Variants in KMT2A observed in about 807,000 individuals in gnomAD.
KMT2A encodes lysine methyltransferase 2A.
A neutral mutation model predicts 345.3 loss-of-function variants in KMT2A; 16 were observed. The observed-to-expected ratio is 0.05, with a 90% CI of 0.03 to 0.07. KMT2A has a LOEUF of 0.07. Ranked by LOEUF, KMT2A falls within the 10% of genes least tolerant of loss-of-function variation. The probability of loss-of-function intolerance (pLI) is 1.00; values close to 1 mark genes in which losing one functional copy is unlikely to be tolerated. For missense variants in KMT2A, 3,272 were observed against 4,841.6 expected, an observed-to-expected ratio of 0.68 and a Z score of 9.62; for synonymous variants, 1,599 against 1,778.6, an observed-to-expected ratio of 0.90 and a Z score of 2.54.
chr11:118,499,706 G>A (rs782118554), intron 23 of KMT2A, 129 bp from the exon 24 acceptor site: 7 of 713,988 alleles, frequency 9.8e-6, no homozygotes, highest in African/African-American at 1.8e-5. Flanking sequence ...CTTGAACCCC[G>A]GAGGCAGAGG....
intron 1 of KMT2A, among the ~76,000 whole-genome samples, chr11:118,445,018 T>C (rs1949389621): frequency 6.6e-6 from 1 of 152,240 alleles, no homozygotes; most frequent in South Asian, 2.1e-4. Flanking sequence ...GAAGCCCTAA[T>C]TGTTAGAACC....
chr11:118,477,918 G>A lies in KMT2A; in HGVS notation c.3335-49G>A, dbSNP rs781915476. 4 of 1,378,948 alleles carry A rather than the reference G, an allele frequency of 2.9e-6. No individual in the cohort carries two copies. In the African/African-American group the frequency reaches 4.3e-5, roughly 15 times the overall value. The allele number at this position is 1,378,948 out of a possible 1,614,324, so 85.4% of individuals were successfully genotyped here. ...ATTTTTGGAGTACCAATTAAAACCA[G>A]GTTTGAATTCAGTACTCCCTTGGAA... is the stretch of plus-strand genomic sequence containing the variant. On this transcript the variant is annotated intron_variant, in intron 4 of 35. Transcript: ENST00000534358.
Position 118,504,948 on chromosome 11 carries a change from A to C in KMT2A, c.9056A>C (p.His3019Pro). ...SPPCGSVEQGHGNNQDLTRNS... is the reference protein window; with the variant it reads ...SPPCGSVEQGPGNNQDLTRNS... ...CCTTGTGGTTCAGTAGAGCAAGGTC[A>C]TGGCAACAATCAGGATTTAACTAGG... Residue 3019 changes from histidine to proline, a missense_variant, in exon 27 of 36, where the codon CAT (histidine) becomes CCT (proline). His to Pro is a moderately conservative substitution (Grantham distance 77, BLOSUM62 -2). This residue lies in a region of KMT2A where 748 missense variants were observed against 922.2 expected (regional missense o/e 0.81). Coordinates refer to ENST00000534358, the MANE Select transcript of KMT2A (RefSeq NM_001197104.2). The surrounding 1 kb of genome is among the most constrained non-coding windows in gnomAD (Gnocchi z 6.4). 1 of 1,614,224 alleles carries C rather than the reference A, an allele frequency of 6.2e-7. No homozygotes were observed. The highest frequency in any genetic ancestry group is 1.3e-5 in the African/African-American group (1 of 75,052).
At chr11:118,463,332 C>T (rs538469129) in intron 1 of KMT2A, among the ~76,000 whole-genome samples, 1 of 152,262 alleles carries the variant, frequency 6.6e-6, no homozygotes, top group Admixed American at 6.5e-5. Flanking sequence ...TGTATAGTTG[C>T]TTGAGCTGTC....
In KMT2A at chr11:118,519,742, T is replaced by C. The variant is rs782024927; in HGVS notation, c.11271T>C (p.Asn3757=). The change falls in exon 32 of 36, where the codon AAT becomes AAC. Residue 3757 remains asparagine (N), a synonymous_variant. Transcript: ENST00000534358. ...KFRFHKPEEA[N]EPPLNPHGSA... ...GTTTCCACAAGCCAGAGGAGGCCAA[T>C]GAACCCCCCTTGAACCCTCACGGCT... The C allele has an allele frequency of 1.9e-6, 3 of 1,614,178 alleles. No individual in the cohort carries two copies. The highest frequency in any genetic ancestry group is 4.5e-5 in the East Asian group (2 of 44,874).
In KMT2A at chr11:118,495,915, C is replaced by G; in HGVS notation, c.5557+22C>G. ...TTGAGTAAGCCACCAAAAGGAGAGT[C>G]GTCACCCATTTCCCTCTAGATGCAG... On this transcript the variant is annotated intron_variant, in intron 19 of 35. Transcript: ENST00000534358. This position sits in a 1 kb window ranked among gnomAD's most constrained non-coding sequence, Gnocchi z 4.1. 1 of 1,570,622 alleles carries G rather than the reference C, an allele frequency of 6.4e-7. No homozygotes were observed. The highest frequency in any genetic ancestry group is 8.7e-7 in the Non-Finnish European group (1 of 1,151,192).
chr11:118,446,778 G>C (rs1470099664), intron 1 of KMT2A, among the ~76,000 whole-genome samples: 2 of 152,170 alleles, frequency 1.3e-5, no homozygotes, highest in East Asian at 3.9e-4. Flanking sequence ...CTTAAATACA[G>C]ATCAGAGTAT....
intron 27 of KMT2A, 80 bp downstream of exon 27, chr11:118,506,726 G>A: frequency 7.2e-7 from 1 of 1,386,436 alleles, no homozygotes; most frequent in South Asian, 1.4e-5. Context: ...TGGTAGTCCG[G>A]GAGAGACACT....
At chr11:118,513,698 T>A (rs1950738539) in intron 31 of KMT2A, among the ~76,000 whole-genome samples, 2 of 151,838 alleles carry the variant, frequency 1.3e-5, no homozygotes, top group Admixed American at 1.3e-4. Flanking sequence ...AATTCCAACA[T>A]CTTGGGAGGA....
At position 118,509,176 on chromosome 11, in the gene KMT2A, C is replaced by G; in HGVS notation, c.10876C>G (p.Pro3626Ala). The G allele has an allele frequency of 1.2e-6, 2 of 1,613,700 alleles. 1 individual carries two copies. The highest frequency in any genetic ancestry group is 2.2e-5 in the South Asian group (2 of 91,062). Residue 3626 changes from proline to alanine, a missense_variant, in exon 29 of 36, where the codon CCA becomes GCA. Physicochemically the swap from Pro to Ala is conservative, Grantham distance 27 (BLOSUM62 -1). This residue lies in a region of KMT2A where 748 missense variants were observed against 922.2 expected (regional missense o/e 0.81). Transcript: ENST00000534358. ...VLPEVQVTQN[P>A]ANEQESAEPK... ...TCCGGAAGTTCAGGTGACCCAAAAT[C>G]CAGCAAATGAACAAGAAAGTGCAGG... is the stretch of plus-strand genomic sequence containing the variant.
chr11:118,473,743 C>G lies in KMT2A; in HGVS notation c.2584C>G (p.Arg862Gly). 1 of 1,613,702 alleles carries G rather than the reference C, an allele frequency of 6.2e-7. No homozygotes were observed. Among genetic ancestry groups the G allele is most frequent in the Non-Finnish European group, 8.5e-7 (1 of 1,179,904 alleles). The change falls in exon 3 of 36, where the codon CGA (arginine) becomes GGA (glycine). Residue 862 changes from arginine to glycine, a missense_variant. Around this residue, in one of 27 missense-constraint regions of KMT2A, gnomAD observed 209 missense variants for 237.4 expected, o/e 0.88. Transcript: ENST00000534358. This position sits in a 1 kb window ranked among gnomAD's most constrained non-coding sequence, Gnocchi z 5.2. ...DKAPEELSKD[R>G]DADKSVEKDK... ...GGCCCCCGAGGAGCTGTCCAAAGAT[C>G]GAGATGCTGACAAGAGCGTGGAGAA...
rs1197339370 is a variant in KMT2A at position 118,458,723 on chromosome 11, C to T, written c.433-10052C>T. Reference sequence around the variant, plus strand: ...ACATTAAGACCTTGGTATTTTGAAGCTTGTAGCAGTAGCCACAAGGGGAAA... The same window carrying T: ...ACATTAAGACCTTGGTATTTTGAAGTTTGTAGCAGTAGCCACAAGGGGAAA... On this transcript the variant is annotated intron_variant, in intron 1 of 35. Transcript: ENST00000534358. Among the ~76,000 whole-genome samples, 11 of 152,310 alleles carry T rather than the reference C, an allele frequency of 7.2e-5. No individual in the cohort carries two copies. In the South Asian group the frequency reaches 2.3e-3, roughly 32 times the overall value.
intron 24 of KMT2A, among the ~76,000 whole-genome samples, chr11:118,500,471 C>T (rs1950482835): frequency 6.6e-6 from 1 of 152,202 alleles, no homozygotes; most frequent in African/African-American, 2.4e-5. Context: ...ATTCCTATTC[C>T]TATGACACAG....
rs1375084340 is a variant in KMT2A, at chr11:118,505,063, T to A, written c.9171T>A (p.Pro3057=). 3 of 1,614,050 alleles carry A rather than the reference T, an allele frequency of 1.9e-6. No homozygotes were observed. The highest frequency in any genetic ancestry group is 1.7e-5 in the Admixed American group (1 of 59,998). ...ATGTGCCCAATTCTACTGATAGTCC[T>A]GGCCCGTCTCAGATTTCCAATGCAG... The part of the protein sequence containing the change: ...QKYVPNSTDS[P]GPSQISNAAV... The change falls in exon 27 of 36, where the codon CCT becomes CCA. Residue 3057 remains proline, a synonymous_variant. Transcript: ENST00000534358. The surrounding 1 kb of genome is among the most constrained non-coding windows in gnomAD (Gnocchi z 4.6).
In KMT2A at chr11:118,494,868, A is replaced by G. The variant is rs934736528; in HGVS notation, c.5363+101A>G. 1 of 895,860 alleles carries G rather than the reference A, an allele frequency of 1.1e-6. No homozygotes were observed. Among genetic ancestry groups the G allele is most frequent in the Middle Eastern group, 3.0e-4 (1 of 3,342 alleles). 55.5% of individuals were successfully genotyped at this position (895,860 alleles called of 1,614,324 possible). ...GTTTTCCAAAAGGTTTTAATACTAG[A>G]AATGAATTGGTTGAAATGCCTTTTC... On this transcript the variant is annotated intron_variant, in intron 18 of 35. Coordinates refer to ENST00000534358, the MANE Select transcript of KMT2A (RefSeq NM_001197104.2). This position sits in a 1 kb window ranked among gnomAD's most constrained non-coding sequence, Gnocchi z 5.8.
At chr11:118,507,686 C>A in intron 28 of KMT2A, 77 bp downstream of exon 28, 1 of 1,218,046 alleles carries the variant, frequency 8.2e-7, no homozygotes, top group Non-Finnish European at 1.2e-6. Context: ...TCTTCCAGGC[C>A]GGGCGCAGTG....
At position 118,497,293 on chromosome 11, in the gene KMT2A, G is replaced by T. The variant is rs926473725; in HGVS notation, c.5665-643G>T. Among the ~76,000 whole-genome samples, 3 of 151,982 alleles carry T rather than the reference G, an allele frequency of 2.0e-5. No individual in the cohort carries two copies. The East Asian group carries it at 5.8e-4, about 29-fold the overall frequency. ...GGTGGGATTACAGGCGTGAGCCACC[G>T]TGCCCGGCCAAAAGCTTTTAAATAC... is the stretch of plus-strand genomic sequence containing the variant. On this transcript the variant is annotated intron_variant, in intron 20 of 35. Coordinates refer to ENST00000534358, the MANE Select transcript of KMT2A (RefSeq NM_001197104.2). The surrounding 1 kb of genome is among the most constrained non-coding windows in gnomAD (Gnocchi z 4.8).
rs1591266438 is a variant in KMT2A, at chr11:118,491,935, C to T, written c.5004+7C>T. On this transcript the variant is annotated splice_region_variant and intron_variant, in intron 15 of 35. Transcript: ENST00000534358. This position sits in a 1 kb window ranked among gnomAD's most constrained non-coding sequence, Gnocchi z 4.2. ...TTTGCTACGCTACCGGCAGGTAGGC[C>T]AAGTCTCATTTTTTTCTGAGAGCTT... 3 of 1,605,610 alleles carry T rather than the reference C, an allele frequency of 1.9e-6. No homozygotes were observed. Among genetic ancestry groups the T allele is most frequent in the Admixed American group, 1.7e-5 (1 of 59,334 alleles).
intron 25 of KMT2A, 119 bp downstream of exon 25, chr11:118,501,266 T>C: frequency 2.3e-6 from 2 of 855,554 alleles, no homozygotes; most frequent in South Asian, 3.5e-5. Flanking sequence ...AAGAACAGCC[T>C]GGCCAACATG....
Sources: allele counts gnomAD v4.1 joint callset (sites outside exome capture counted in the v4.1 genomes callset), GRCh38; gene constraint gnomAD v4.1.1; regional missense constraint gnomAD v4.1.1; non-coding constraint Gnocchi (gnomAD v3.1); transcripts MANE v1.5; gene names NCBI Gene and HGNC (gene_info 2026-07-23, HGNC 2026-07-21).